Variants in KIF6 observed in about 807,000 individuals in gnomAD.
KIF6 encodes kinesin family member 6.
KIF6 carries 106 observed loss-of-function variants against 112.7 expected under a neutral mutation model. The ratio of observed to expected loss-of-function variants is 0.94; its 90% CI spans 0.80 to 1.11. The LOEUF is 1.11. Among genes scored for constraint, KIF6 ranks in the 50% least tolerant of loss-of-function variants. The probability of loss-of-function intolerance (pLI) is 0.00; values close to 1 mark genes in which losing one functional copy is unlikely to be tolerated. For synonymous variants in KIF6, 339 were observed against 339.9 expected, an observed-to-expected ratio of 1.00 and a Z score of 0.03; for missense variants, 929 against 964.0, an observed-to-expected ratio of 0.96 and a Z score of 0.48.
chr6:39,667,556 A>G (rs1280523698), intron 3 of KIF6, among the ~76,000 whole-genome samples: 1 of 152,136 alleles, frequency 6.6e-6, no homozygotes, highest in Non-Finnish European at 1.5e-5. Flanking sequence ...CTTTCTAGAT[A>G]TTCCTTAATC....
At position 39,596,334 on chromosome 6, in the gene KIF6, A is replaced by G. The variant is rs796782455; in HGVS notation, c.640-74T>C. The G allele has an allele frequency of 4.8e-6, 5 of 1,042,340 alleles. No individual in the cohort carries two copies. The African/African-American group carries it at 8.0e-5, about 17-fold the overall frequency. The allele number at this position is 1,042,340 out of a possible 1,614,324, so 64.6% of individuals were successfully genotyped here. A position where few individuals can be genotyped will look rare whatever the true frequency, so the allele number is the denominator to read the frequency against. On this transcript the variant is annotated intron_variant, in intron 6 of 22. Coordinates refer to ENST00000287152, the MANE Select transcript of KIF6 (RefSeq NM_145027.6). Reference sequence around the variant, plus strand: ...AAAGAATATCAAAAGATTTAAAATAATATTTCTAGTGATAAGACATTTCCC... The same window carrying G: ...AAAGAATATCAAAAGATTTAAAATAGTATTTCTAGTGATAAGACATTTCCC...
intron 13 of KIF6, among the ~76,000 whole-genome samples, chr6:39,507,474 T>G (rs1776485848): frequency 6.6e-6 from 1 of 152,084 alleles, no homozygotes; most frequent in East Asian, 1.9e-4. Flanking sequence ...ATCTGGTAAT[T>G]TTTTTTGGAG....
At chr6:39,507,418 C>G (rs1306817299) in intron 13 of KIF6, among the ~76,000 whole-genome samples, 4 of 152,134 alleles carry the variant, frequency 2.6e-5, no homozygotes, top group African/African-American at 9.7e-5. Context: ...ATTTGTGGAG[C>G]TGTTGCAGGC....
At chr6:39,545,787 G>T (rs1383543481) in intron 10 of KIF6, 99 bp from the exon 11 acceptor site, 11 of 698,356 alleles carry the variant, frequency 1.6e-5, no homozygotes, top group Middle Eastern at 3.3e-4. Flanking sequence ...ACAGAATATT[G>T]TTCCCACCTC....
At chr6:39,692,770 G>A (rs1788291813) in intron 3 of KIF6, among the ~76,000 whole-genome samples, 1 of 151,948 alleles carries the variant, frequency 6.6e-6, no homozygotes, top group Non-Finnish European at 1.5e-5. Context: ...CAACCCTATT[G>A]TACTCTTACT....
At chr6:39,650,183 C>G (rs967220156) in intron 3 of KIF6, among the ~76,000 whole-genome samples, 1 of 152,212 alleles carries the variant, frequency 6.6e-6, no homozygotes, top group South Asian at 2.1e-4. Context: ...AACAGCCCCT[C>G]TTAAAGGATC....
intron 12 of KIF6, among the ~76,000 whole-genome samples, chr6:39,540,563 A>C (rs1000901781): frequency 6.6e-6 from 1 of 152,268 alleles, no homozygotes; most frequent in Admixed American, 6.5e-5. Flanking sequence ...TTCCCAGATA[A>C]AAGATGAATT....
intron 15 of KIF6, among the ~76,000 whole-genome samples, chr6:39,416,966 C>T (rs1430049137): frequency 6.6e-6 from 1 of 152,146 alleles, no homozygotes; most frequent in African/African-American, 2.4e-5. Context: ...AGCTGAGGCA[C>T]CATCCCGTGC....
At chr6:39,511,834 T>TCACA (rs979145669) in intron 13 of KIF6, among the ~76,000 whole-genome samples, 7 of 152,126 alleles carry the variant, frequency 4.6e-5, no homozygotes, top group Non-Finnish European at 2.9e-5. Context: ...CAGCAAAATA[T>TCACA]CACACAAGGA....
chr6:39,336,599 C>T, intron 22 of KIF6, 51 bp from the exon 23 acceptor site: 2 of 1,590,104 alleles, frequency 1.3e-6, no homozygotes, highest in Non-Finnish European at 1.7e-6. Flanking sequence ...CAGACACTGA[C>T]TTTTCCCAGG....
intron 5 of KIF6, chr6:39,617,772 C>A: frequency 2.2e-6 from 1 of 454,770 alleles, no homozygotes; most frequent in Non-Finnish European, 4.4e-6. Context: ...GACACCCTGA[C>A]CTAGAGCAAT....
intron 10 of KIF6, among the ~76,000 whole-genome samples, chr6:39,560,673 T>C (rs1779961930): frequency 6.6e-6 from 1 of 152,214 alleles, no homozygotes; most frequent in Admixed American, 6.5e-5. Context: ...ATTATAGATA[T>C]TCACATACTT....
At chr6:39,620,487 GAT>G (rs1156269434) in intron 5 of KIF6, 1 of 152,056 alleles carries the variant, frequency 6.6e-6, no homozygotes, top group Non-Finnish European at 1.5e-5. Context: ...CTTAGTTTAT[GAT>G]ACTACATTTT....
intron 6 of KIF6, among the ~76,000 whole-genome samples, chr6:39,608,453 G>A (rs1237429305): frequency 2.0e-5 from 3 of 152,120 alleles, no homozygotes; most frequent in Admixed American, 6.5e-5. Context: ...ATTGAAGACT[G>A]TACTGAAAGT....
intron 13 of KIF6, among the ~76,000 whole-genome samples, chr6:39,453,016 C>T (rs138524171): frequency 1.6e-3 from 239 of 152,286 alleles, no homozygotes; most frequent in African/African-American, 4.0e-3. Context: ...TCAGTGATGA[C>T]GGATGCCTCC....
chr6:39,607,192 A>G (rs185644002), intron 6 of KIF6, among the ~76,000 whole-genome samples: 133 of 152,312 alleles, frequency 8.7e-4, no homozygotes, highest in African/African-American at 3.0e-3. Context: ...TAGCCAAAAG[A>G]CTATTCTTTT....
chr6:39,443,629 C>T (rs990483641), intron 13 of KIF6, among the ~76,000 whole-genome samples: 3 of 151,854 alleles, frequency 2.0e-5, no homozygotes, highest in Non-Finnish European at 4.4e-5. Flanking sequence ...TAACTAGTAG[C>T]GATGGGGTTT....
At chr6:39,645,357 T>C (rs1785106029) in intron 3 of KIF6, among the ~76,000 whole-genome samples, 2 of 152,116 alleles carry the variant, frequency 1.3e-5, no homozygotes, top group Admixed American at 1.3e-4. Flanking sequence ...AAAGTTTAGT[T>C]TTTCCATTTG....
Position 39,343,878 on chromosome 6 carries a change from C to A in KIF6, c.2322-63G>T. 1 of 992,346 alleles carries A rather than the reference C, an allele frequency of 1.0e-6. No homozygotes were observed. The highest frequency in any genetic ancestry group is 1.5e-6 in the Non-Finnish European group (1 of 666,184). The allele number at this position is 992,346 out of a possible 1,614,324, so 61.5% of individuals were successfully genotyped here. A position where few individuals can be genotyped will look rare whatever the true frequency, so the allele number is the denominator to read the frequency against. On this transcript the variant is annotated intron_variant, in intron 21 of 22. Coordinates refer to ENST00000287152, the MANE Select transcript of KIF6 (RefSeq NM_145027.6). The surrounding 1 kb of genome is among the most constrained non-coding windows in gnomAD (Gnocchi z 4.1). ...CAACTGGACTCACCACTTATATTTC[C>A]AAAATGCTTTTCCATTTTAGGTGAC...
Sources: allele counts gnomAD v4.1 joint callset (sites outside exome capture counted in the v4.1 genomes callset), GRCh38; gene constraint gnomAD v4.1.1; non-coding constraint Gnocchi (gnomAD v3.1); transcripts MANE v1.5; gene names NCBI Gene and HGNC (gene_info 2026-07-23, HGNC 2026-07-21).